The following LHCGR variants were observed in gnomAD, a reference collection of about 807,000 sequenced individuals.
LHCGR encodes the protein lutropin-choriogonadotropic hormone receptor.
In LHCGR, 55 loss-of-function variants were observed where a neutral mutation model predicts 60.7. The observed-to-expected ratio is 0.91, with a 90% CI of 0.73 to 1.13. The LOEUF (loss-of-function observed/expected upper bound fraction) is 1.13, where lower values mean the gene tolerates loss of function less well. Ranked by LOEUF, LHCGR falls within the 50% of genes most tolerant of loss-of-function variation. The pLI is 0.00. For missense variants in LHCGR, 862 were observed against 836.0 expected (o/e 1.03, Z -0.38); for synonymous variants, 337 against 316.5 (o/e 1.06, Z -0.69).
intron 1 of LHCGR, among the ~76,000 whole-genome samples, chr2:48,752,158 T>C (rs1669984625): frequency 6.6e-6 from 1 of 152,236 alleles, no homozygotes; most frequent in African/African-American, 2.4e-5. Context: ...AATACCTATG[T>C]TTTTCATAAA....
chr2:48,733,916 ACT>A lies in LHCGR; in HGVS notation c.162-2620_162-2619del, dbSNP rs1037768070. ...AATGTACTCCCTTTGAAGGTGTCCC[ACT>A]CTCTATTGGATGCATCTATGATTCT... On this transcript the variant is annotated intron_variant, in intron 1 of 10. Coordinates refer to ENST00000294954, the MANE Select transcript of LHCGR (RefSeq NM_000233.4). Among the ~76,000 whole-genome samples the A allele has an allele frequency of 4.6e-5, 7 of 152,238 alleles. 1 individual carries two copies. In the East Asian group the frequency reaches 1.2e-3, roughly 25 times the overall value.
intron 6 of LHCGR, among the ~76,000 whole-genome samples, chr2:48,719,126 TC>T (rs1296373490): frequency 1.3e-5 from 2 of 151,712 alleles, no homozygotes; most frequent in African/African-American, 4.8e-5. Context: ...ATCAAGACCA[TC>T]CTGGCTAACA....
chr2:48,749,312 C>G (rs1483661669), intron 1 of LHCGR, among the ~76,000 whole-genome samples: 3 of 152,100 alleles, frequency 2.0e-5, no homozygotes, highest in Non-Finnish European at 4.4e-5. Flanking sequence ...AGCCCACCTG[C>G]CTGGTGGGAG....
At chr2:48,743,694 C>G (rs1246037448) in intron 1 of LHCGR, among the ~76,000 whole-genome samples, 1 of 152,120 alleles carries the variant, frequency 6.6e-6, no homozygotes, top group African/African-American at 2.4e-5. Flanking sequence ...GGACGTATCT[C>G]AAAATAATAA....
chr2:48,706,111 T>C (rs1354922674), intron 8 of LHCGR, among the ~76,000 whole-genome samples: 1 of 152,214 alleles, frequency 6.6e-6, no homozygotes, highest in Admixed American at 6.5e-5. Context: ...TCTCTCAGCA[T>C]TTGCTTGTCT....
chr2:48,706,322 T>C (rs1667669671), intron 8 of LHCGR, among the ~76,000 whole-genome samples: 3 of 152,342 alleles, frequency 2.0e-5, no homozygotes, highest in South Asian at 4.1e-4. Context: ...TGGCTGCCCT[T>C]AACATTTTTT....
At chr2:48,735,801 T>G (rs1380802629) in intron 1 of LHCGR, among the ~76,000 whole-genome samples, 1 of 152,172 alleles carries the variant, frequency 6.6e-6, no homozygotes, top group Non-Finnish European at 1.5e-5. Flanking sequence ...TCTCCTAGAA[T>G]TATGCTTATA....
intron 8 of LHCGR, 93 bp from the exon 9 acceptor site, chr2:48,698,893 G>C: frequency 9.4e-7 from 1 of 1,062,280 alleles, no homozygotes. Context: ...CCAGGCTGGA[G>C]TGCAGTGGCA....
Position 48,688,915 on chromosome 2 carries a change from T to C in LHCGR, c.948-66A>G, listed in dbSNP as rs1680049489. On this transcript the variant is annotated intron_variant, in intron 10 of 10. Transcript: ENST00000294954. The surrounding 1 kb of genome is among the most constrained non-coding windows in gnomAD (Gnocchi z 5.2). ...TGAGTATTAAAAAATTCAAGAATTA[T>C]GTTTCTTTAAAGGCAAAGAAACAAA... The C allele has an allele frequency of 3.4e-6, 5 of 1,467,436 alleles. No individual in the cohort carries two copies. Among genetic ancestry groups the C allele is most frequent in the Admixed American group, 3.4e-5 (2 of 58,970 alleles). 90.9% of individuals were successfully genotyped at this position (1,467,436 alleles called of 1,614,324 possible).
At chr2:48,690,458 A>C (rs1680174430) in intron 10 of LHCGR, among the ~76,000 whole-genome samples, 1 of 152,214 alleles carries the variant, frequency 6.6e-6, no homozygotes, top group Non-Finnish European at 1.5e-5. Context: ...CTAAGAGTTG[A>C]ATGCATTCAT....
At chr2:48,737,300 C>G (rs1397777929) in intron 1 of LHCGR, among the ~76,000 whole-genome samples, 1 of 152,150 alleles carries the variant, frequency 6.6e-6, no homozygotes. Context: ...TTCTAAAACA[C>G]TACAAAATCA....
chr2:48,734,134 T>C (rs1669119533), intron 1 of LHCGR, among the ~76,000 whole-genome samples: 1 of 152,114 alleles, frequency 6.6e-6, no homozygotes, highest in Admixed American at 6.6e-5. Flanking sequence ...TGAGGGAGTA[T>C]GTAAAATTTG....
intron 3 of LHCGR, among the ~76,000 whole-genome samples, chr2:48,726,921 T>A (rs1668761511): frequency 6.6e-6 from 1 of 152,206 alleles, no homozygotes; most frequent in Non-Finnish European, 1.5e-5. Context: ...TAGCAGAACT[T>A]GGATGTGACC....
chr2:48,726,536 A>T (rs1314935832), intron 3 of LHCGR, among the ~76,000 whole-genome samples: 3 of 152,184 alleles, frequency 2.0e-5, no homozygotes, highest in African/African-American at 7.2e-5. Flanking sequence ...ACTCTACAAA[A>T]AGTAGTCACC....
At position 48,687,298 on chromosome 2, in the gene LHCGR, C is replaced by T. The variant is rs1358239657; in HGVS notation, c.*399G>A. 5.5e-6 allele frequency: 1 copy of T among 181,314 alleles called. No homozygotes were observed. The highest frequency in any genetic ancestry group is 1.2e-5 in the Non-Finnish European group (1 of 85,424). 11.2% of individuals were successfully genotyped at this position (181,314 alleles called of 1,614,324 possible). A position where few individuals can be genotyped will look rare whatever the true frequency, so the allele number is the denominator to read the frequency against. The stretch of plus-strand genomic sequence containing the variant: ...GCATCTCTAGAGTGTGTTTTTCAAA[C>T]TACCTGAGGAAAAAGGCCAGTTATT... On this transcript the variant is annotated 3_prime_UTR_variant, in exon 11 of 11. Coordinates refer to ENST00000294954, the MANE Select transcript of LHCGR (RefSeq NM_000233.4).
intron 10 of LHCGR, among the ~76,000 whole-genome samples, chr2:48,689,936 C>A (rs891469275): frequency 3.3e-5 from 5 of 152,078 alleles, no homozygotes; most frequent in African/African-American, 4.8e-5. Flanking sequence ...GGTTGGTCTC[C>A]ATCTCCTGAC....
chr2:48,688,576 G>C lies in LHCGR; in HGVS notation c.1221C>G (p.Cys407Trp). 6.2e-7 allele frequency: 1 copy of C among 1,614,196 alleles called. No individual in the cohort carries two copies. The highest frequency in any genetic ancestry group is 1.3e-5 in the African/African-American group (1 of 75,048). Residue 407 changes from cysteine (C) to tryptophan (W), a missense_variant, in exon 11 of 11, where the codon TGC becomes TGG. Coordinates refer to ENST00000294954, the MANE Select transcript of LHCGR (RefSeq NM_000233.4). This position sits in a 1 kb window ranked among gnomAD's most constrained non-coding sequence, Gnocchi z 5.2. ...LMCNLSFADF[C>W]MGLYLLLIAS... is the part of the protein sequence containing the mutation. ...CTATGAGCAGCAGATAGAGCCCCAT[G>C]CAAAAGTCTGCAAAGGAGAGATTGC...
At chr2:48,716,886 G>C (rs574671099) in intron 6 of LHCGR, among the ~76,000 whole-genome samples, 2 of 152,288 alleles carry the variant, frequency 1.3e-5, no homozygotes, top group African/African-American at 4.8e-5. Context: ...ACCTGGAGTT[G>C]CTTGTCAAAA....
Position 48,745,195 on chromosome 2 carries a change from G to A in LHCGR, c.161+10316C>T, listed in dbSNP as rs569505389. ...GGCGATCATTAAAAAGTCAGGAAAC[G>A]ACAGATGCTGGAGAGGATGTGGAGA... On this transcript the variant is annotated intron_variant, in intron 1 of 10. Transcript: ENST00000294954. 1.8e-4 allele frequency among the ~76,000 whole-genome samples: 27 copies of A among 152,208 alleles called. 1 individual carries two copies. The South Asian group carries it at 3.5e-3, about 20-fold the overall frequency.
Sources: allele counts gnomAD v4.1 joint callset (sites outside exome capture counted in the v4.1 genomes callset), GRCh38; gene constraint gnomAD v4.1.1; non-coding constraint Gnocchi (gnomAD v3.1); transcripts MANE v1.5; gene names NCBI Gene and HGNC (gene_info 2026-07-23, HGNC 2026-07-21).